The following ZFPM2 variants were observed in gnomAD, a reference collection of about 807,000 sequenced individuals.
ZFPM2 encodes zinc finger protein ZFPM2.
In ZFPM2, 20 loss-of-function variants were observed where a neutral mutation model predicts 98.6. The ratio of observed to expected loss-of-function variants is 0.20; its 90% CI spans 0.14 to 0.29. ZFPM2 has a LOEUF of 0.29. Ranked by LOEUF, ZFPM2 falls within the 10% of genes least tolerant of loss-of-function variation. The pLI is 1.00. For synonymous variants in ZFPM2, 518 were observed against 502.7 expected, an observed-to-expected ratio of 1.03 and a Z score of -0.41; for missense variants, 1,310 against 1,388.6, an observed-to-expected ratio of 0.94 and a Z score of 0.90.
At chr8:105,752,367 C>T (rs1291900759) in intron 5 of ZFPM2, among the ~76,000 whole-genome samples, 7 of 152,052 alleles carry the variant, frequency 4.6e-5, no homozygotes, top group African/African-American at 1.2e-4. Flanking sequence ...ACAGACTTTC[C>T]GAGACTATGA....
At chr8:105,567,561 A>G (rs140995496) in intron 4 of ZFPM2, among the ~76,000 whole-genome samples, 1 of 151,988 alleles carries the variant, frequency 6.6e-6, no homozygotes, top group Non-Finnish European at 1.5e-5. Flanking sequence ...ATTTTCTGGG[A>G]TCAACTTCCC....
At chr8:105,699,775 AAATT>A (rs1811099115) in intron 5 of ZFPM2, among the ~76,000 whole-genome samples, 1 of 152,184 alleles carries the variant, frequency 6.6e-6, no homozygotes, top group Non-Finnish European at 1.5e-5. Flanking sequence ...ACATTGAAAA[AAATT>A]AATCTAAACT....
intron 1 of ZFPM2, among the ~76,000 whole-genome samples, chr8:105,369,740 T>A (rs1810581405): frequency 6.6e-6 from 1 of 152,150 alleles, no homozygotes; most frequent in Non-Finnish European, 1.5e-5. Context: ...TTCTATCCAG[T>A]AGGCCAAGAG....
At chr8:105,389,013 C>CGTGTGT (rs142145699) in intron 1 of ZFPM2, among the ~76,000 whole-genome samples, 2,743 of 134,858 alleles carry the variant, frequency 0.02, 63 homozygotes, top group African/African-American at 0.051. Context: ...AATTTGATGA[C>CGTGTGT]GTGTGTGTGT....
intron 3 of ZFPM2, among the ~76,000 whole-genome samples, chr8:105,487,939 TAGCTAG>T (rs1813266861): frequency 3.1e-5 from 2 of 63,746 alleles, no homozygotes; most frequent in African/African-American, 9.0e-5. Context: ...TCTAGCTAGC[TAGCTAG>T]CTAGCTATCT....
chr8:105,656,648 C>T (rs191477301), intron 5 of ZFPM2, among the ~76,000 whole-genome samples: 5 of 152,234 alleles, frequency 3.3e-5, no homozygotes, highest in East Asian at 1.9e-4. Context: ...TCTGGTTTTT[C>T]GAGTTCAATC....
chr8:105,606,371 A>C (rs62527251), intron 4 of ZFPM2, among the ~76,000 whole-genome samples: 1 of 150,352 alleles, frequency 6.7e-6, no homozygotes, highest in Admixed American at 6.6e-5. Flanking sequence ...TCTTTTTTTC[A>C]TTTGAGTTGT....
chr8:105,513,349 T>C (rs919614701), intron 3 of ZFPM2, among the ~76,000 whole-genome samples: 1 of 152,164 alleles, frequency 6.6e-6, no homozygotes, highest in Non-Finnish European at 1.5e-5. Flanking sequence ...CAGATAATAG[T>C]GGTTTAGACA....
At position 105,658,463 on chromosome 8, in the gene ZFPM2, C is replaced by CT. The variant is rs1484748563; in HGVS notation, c.532+24107dup. On this transcript the variant is annotated intron_variant, in intron 5 of 7. Coordinates refer to ENST00000407775, the MANE Select transcript of ZFPM2 (RefSeq NM_012082.4). Reference sequence around the variant, plus strand: ...ATTAGCCGGGCGAGGTGGCGGGCGCCTGTAGTCCCAGCTACTCGGGAGGCT... The same window carrying CT: ...ATTAGCCGGGCGAGGTGGCGGGCGCCTTGTAGTCCCAGCTACTCGGGAGGCT... Among the ~76,000 whole-genome samples the CT allele has an allele frequency of 4.3e-5, 4 of 94,040 alleles. 2 individuals carry two copies. In the Admixed American group the frequency reaches 4.4e-4, roughly 10 times the overall value. 61.7% of individuals were successfully genotyped at this position (94,040 alleles called of 152,430 possible). A position where few individuals can be genotyped will look rare whatever the true frequency, so the allele number is the denominator to read the frequency against.
chr8:105,706,661 C>T (rs1029112059), intron 5 of ZFPM2, among the ~76,000 whole-genome samples: 3 of 152,042 alleles, frequency 2.0e-5, no homozygotes, highest in African/African-American at 7.2e-5. Context: ...CTCACTGCAA[C>T]CTCCGCCTCC....
At chr8:105,319,093 C>T in intron 1 of ZFPM2, 112 bp downstream of exon 1, 1 of 1,264,688 alleles carries the variant, frequency 7.9e-7, no homozygotes. Context: ...CGCTCCCGGT[C>T]CCCTAGATGT....
chr8:105,749,744 G>A (rs75388433), intron 5 of ZFPM2, among the ~76,000 whole-genome samples: 23 of 151,948 alleles, frequency 1.5e-4, no homozygotes, highest in African/African-American at 5.3e-4. Context: ...AAGCAAGTAA[G>A]AAAGAAAGGA....
At chr8:105,795,801 A>G (rs140766785) in intron 6 of ZFPM2, 198 of 492,258 alleles carry the variant, frequency 4.0e-4, no homozygotes, top group African/African-American at 3.6e-3. Flanking sequence ...GAGTCCCAAG[A>G]TCTGTGTTCT....
intron 5 of ZFPM2, among the ~76,000 whole-genome samples, chr8:105,694,237 C>T (rs577074417): frequency 0.033 from 5,040 of 151,964 alleles, 273 homozygotes; most frequent in African/African-American, 0.11. Flanking sequence ...CTGCCCCCCG[C>T]GGCCTCCCAA....
intron 1 of ZFPM2, among the ~76,000 whole-genome samples, chr8:105,410,085 A>T (rs147672081): frequency 5.4e-4 from 82 of 152,048 alleles, no homozygotes; most frequent in African/African-American, 1.9e-3. Context: ...ATGGAGGATT[A>T]TAAAAGAGAA....
chr8:105,681,296 CTGTCTCT>C (rs1810594738), intron 5 of ZFPM2, among the ~76,000 whole-genome samples: 1 of 152,152 alleles, frequency 6.6e-6, no homozygotes, highest in African/African-American at 2.4e-5. Context: ...TCCTACCATG[CTGTCTCT>C]TACCTCACTA....
chr8:105,730,556 C>T (rs1811904822), intron 5 of ZFPM2, among the ~76,000 whole-genome samples: 1 of 151,672 alleles, frequency 6.6e-6, no homozygotes, highest in South Asian at 2.1e-4. Flanking sequence ...ATAAAGTCTT[C>T]CCTAACCCCA....
chr8:105,334,819 G>A (rs1812296678), intron 1 of ZFPM2, among the ~76,000 whole-genome samples: 1 of 151,602 alleles, frequency 6.6e-6, no homozygotes, highest in Admixed American at 6.6e-5. Context: ...TGGGCCCAAT[G>A]TGTTGCTCTT....
In ZFPM2 at chr8:105,682,904, C is replaced by A. The variant is rs1293308521; in HGVS notation, c.532+48547C>A. ...ACTTTGAGTGTTATCTTAATCTGTT[C>A]AGGCTGATGTAACAAAATACCACAG... On this transcript the variant is annotated intron_variant, in intron 5 of 7. Coordinates refer to ENST00000407775, the MANE Select transcript of ZFPM2 (RefSeq NM_012082.4). Among the ~76,000 whole-genome samples, 4 of 152,058 alleles carry A rather than the reference C, an allele frequency of 2.6e-5. 1 individual carries two copies. The highest frequency in any genetic ancestry group is 1.5e-5 in the Non-Finnish European group (1 of 67,998).
Sources: gnomAD v4.1 joint callset for allele counts (sites outside exome capture counted in the v4.1 genomes callset) on GRCh38, gnomAD v4.1.1 for gene constraint, MANE v1.5 for transcripts, NCBI Gene and HGNC (gene_info 2026-07-23, HGNC 2026-07-21) for gene names.